SGCZ: variants seen among roughly 807,000 people sequenced by gnomAD.
SGCZ encodes sarcoglycan zeta, also known as zeta-sarcoglycan.
SGCZ carries 40 observed loss-of-function variants against 41.3 expected under a neutral mutation model. That is an observed-to-expected ratio of 0.97 (90% CI 0.75 to 1.26). SGCZ has a LOEUF of 1.26. Ranked by LOEUF, SGCZ falls within the 50% of genes most tolerant of loss-of-function variation. The pLI is 0.00. For missense variants in SGCZ, 552 were observed against 369.8 expected, an observed-to-expected ratio of 1.49 and a Z score of -4.04; for synonymous variants, 206 against 137.5, an observed-to-expected ratio of 1.50 and a Z score of -3.49.
intron 2 of SGCZ, among the ~76,000 whole-genome samples, chr8:14,446,432 CT>C (rs2117386096): frequency 6.6e-6 from 1 of 152,280 alleles, no homozygotes; most frequent in African/African-American, 2.4e-5. Context: ...TGGTTGGCAA[CT>C]TTGTTCCAAA....
At chr8:14,120,412 C>G (rs1285286429) in intron 5 of SGCZ, among the ~76,000 whole-genome samples, 1 of 152,112 alleles carries the variant, frequency 6.6e-6, no homozygotes, top group Non-Finnish European at 1.5e-5. Context: ...CAACATCAAA[C>G]TTATTGGTGA....
intron 1 of SGCZ, among the ~76,000 whole-genome samples, chr8:15,165,510 T>TA (rs1799640142): frequency 6.6e-6 from 1 of 152,200 alleles, no homozygotes; most frequent in Non-Finnish European, 1.5e-5. Flanking sequence ...TTAGATTTGA[T>TA]ATGGCCTGGG....
chr8:15,080,244 C>G (rs1282550595), intron 1 of SGCZ, among the ~76,000 whole-genome samples: 1 of 151,852 alleles, frequency 6.6e-6, no homozygotes, highest in East Asian at 1.9e-4. Context: ...TTAGTGTCTC[C>G]CTAGCCAGCT....
chr8:15,144,727 G>A (rs990509809), intron 1 of SGCZ, among the ~76,000 whole-genome samples: 2 of 152,172 alleles, frequency 1.3e-5, no homozygotes, highest in African/African-American at 2.4e-5. Flanking sequence ...AAAGTGCTGG[G>A]GTTACAGGCA....
At chr8:14,707,660 A>G (rs1809375697) in intron 1 of SGCZ, among the ~76,000 whole-genome samples, 1 of 152,166 alleles carries the variant, frequency 6.6e-6, no homozygotes, top group African/African-American at 2.4e-5. Flanking sequence ...TAAACCATAA[A>G]AACACTTCTA....
At chr8:14,651,407 C>T (rs540254493) in intron 1 of SGCZ, among the ~76,000 whole-genome samples, 5 of 152,024 alleles carry the variant, frequency 3.3e-5, no homozygotes, top group Non-Finnish European at 5.9e-5. Context: ...GAAGATACAA[C>T]GGAATTTTAA....
chr8:14,556,544 A>G (rs572165812), intron 1 of SGCZ, among the ~76,000 whole-genome samples: 1 of 152,120 alleles, frequency 6.6e-6, no homozygotes, highest in Non-Finnish European at 1.5e-5. Flanking sequence ...TCACCTCAGC[A>G]GTCTATAATG....
chr8:14,455,946 A>G (rs1271568711), intron 2 of SGCZ, among the ~76,000 whole-genome samples: 1 of 152,240 alleles, frequency 6.6e-6, no homozygotes, highest in Admixed American at 6.5e-5. Context: ...TCACATTTAT[A>G]TACCTAAAGT....
chr8:14,300,761 G>C (rs556846608), intron 3 of SGCZ, among the ~76,000 whole-genome samples: 1 of 151,978 alleles, frequency 6.6e-6, no homozygotes, highest in South Asian at 2.1e-4. Context: ...TTAGCCATAC[G>C]TATGTCTTCT....
chr8:14,696,501 T>C (rs1808968311), intron 1 of SGCZ, among the ~76,000 whole-genome samples: 1 of 152,270 alleles, frequency 6.6e-6, no homozygotes, highest in South Asian at 2.1e-4. Flanking sequence ...AAAAGGATGC[T>C]GCTTTGCATT....
chr8:14,455,191 C>G (rs2116935947), intron 2 of SGCZ, among the ~76,000 whole-genome samples: 1 of 151,952 alleles, frequency 6.6e-6, no homozygotes, highest in Non-Finnish European at 1.5e-5. Flanking sequence ...AGTAGTAAAG[C>G]TTACATAGAA....
At chr8:15,154,825 AT>A (rs1799283501) in intron 1 of SGCZ, among the ~76,000 whole-genome samples, 1 of 152,246 alleles carries the variant, frequency 6.6e-6, no homozygotes, top group Non-Finnish European at 1.5e-5. Flanking sequence ...ATAAAAAGTT[AT>A]AGTCCTTTTG....
At chr8:14,659,668 T>A (rs2117479102) in intron 1 of SGCZ, among the ~76,000 whole-genome samples, 1 of 152,282 alleles carries the variant, frequency 6.6e-6, no homozygotes, top group South Asian at 2.1e-4. Context: ...CTATGGCTTT[T>A]GGTGAAATCA....
At chr8:15,073,219 G>A (rs1196339166) in intron 1 of SGCZ, among the ~76,000 whole-genome samples, 1 of 152,108 alleles carries the variant, frequency 6.6e-6, no homozygotes, top group African/African-American at 2.4e-5. Context: ...TTTTCACTCA[G>A]AGAAGTGATC....
At chr8:14,418,750 T>C (rs1407829993) in intron 2 of SGCZ, among the ~76,000 whole-genome samples, 2 of 151,932 alleles carry the variant, frequency 1.3e-5, no homozygotes, top group Non-Finnish European at 2.9e-5. Flanking sequence ...AAAATAAACA[T>C]ACAGAAAATA....
At chr8:14,394,131 A>ACCG (rs1488556614) in intron 2 of SGCZ, among the ~76,000 whole-genome samples, 9 of 128,054 alleles carry the variant, frequency 7.0e-5, no homozygotes, top group African/African-American at 3.3e-4. Context: ...GCACTGCCCT[A>ACCG]CCGCCCCCCA....
rs61237091 is a variant in SGCZ at position 15,186,262 on chromosome 8, C to CAAA, written c.39+51320_39+51322dup. Among the ~76,000 whole-genome samples the CAAA allele has an allele frequency of 1.7e-4, 14 of 80,716 alleles. 2 individuals carry two copies. Among genetic ancestry groups the CAAA allele is most frequent in the African/African-American group, 5.2e-4 (8 of 15,440 alleles). 53.0% of individuals were successfully genotyped at this position (80,716 alleles called of 152,430 possible). A position where few individuals can be genotyped will look rare whatever the true frequency, so the allele number is the denominator to read the frequency against. On this transcript the variant is annotated intron_variant, in intron 1 of 7. Coordinates refer to ENST00000382080, the MANE Select transcript of SGCZ (RefSeq NM_139167.4). ...GGGCAACAGAGGGAAGATTCCGTAC[C>CAAA]AAAAAAAAAAAAAAAAAAAAAAAAA...
chr8:14,440,114 C>G (rs1184129567), intron 2 of SGCZ, among the ~76,000 whole-genome samples: 1 of 151,906 alleles, frequency 6.6e-6, no homozygotes, highest in Non-Finnish European at 1.5e-5. Flanking sequence ...ATGTATATTA[C>G]TTTATTTTAC....
intron 1 of SGCZ, among the ~76,000 whole-genome samples, chr8:15,023,274 G>A (rs897171506): frequency 9.2e-5 from 14 of 152,168 alleles, no homozygotes; most frequent in African/African-American, 3.4e-4. Context: ...GGTGGCTCTT[G>A]AGCTTTCCCC....
Sources: allele counts gnomAD v4.1 joint callset (sites outside exome capture counted in the v4.1 genomes callset), GRCh38; gene constraint gnomAD v4.1.1; transcripts MANE v1.5; gene names NCBI Gene and HGNC (gene_info 2026-07-23, HGNC 2026-07-21).